Variants in NGEF observed in about 807,000 individuals in gnomAD.
NGEF encodes the protein neuronal guanine nucleotide exchange factor.
Under a neutral mutation model 80.9 loss-of-function variants are expected in NGEF, and 31 were observed. The ratio of observed to expected loss-of-function variants is 0.38; its 90% CI spans 0.29 to 0.52. NGEF has a LOEUF of 0.52. Ranked by LOEUF, NGEF falls within the 20% of genes least tolerant of loss-of-function variation. The probability of loss-of-function intolerance (pLI) is 0.84; values close to 1 mark genes in which losing one functional copy is unlikely to be tolerated. For missense variants in NGEF, 709 were observed against 926.2 expected (o/e 0.77, Z 3.04); for synonymous variants, 371 against 370.2 (o/e 1.00, Z -0.03).
chr2:232,994,662 C>T (rs963287494), intron 1 of NGEF, among the ~76,000 whole-genome samples: 1 of 152,130 alleles, frequency 6.6e-6, no homozygotes, highest in Non-Finnish European at 1.5e-5. Flanking sequence ...CCTTCGCTGG[C>T]TGAATGCATT....
At chr2:232,890,518 G>C (rs1453572924) in intron 8 of NGEF, among the ~76,000 whole-genome samples, 1 of 152,082 alleles carries the variant, frequency 6.6e-6, no homozygotes, top group Non-Finnish European at 1.5e-5. Context: ...CTCTGACACT[G>C]AACTGTCCAA....
intron 3 of NGEF, chr2:232,928,016 C>G (rs1367566162): frequency 1.9e-5 from 16 of 821,210 alleles, no homozygotes; most frequent in East Asian, 1.7e-4. Context: ...GGCGGCGGGG[C>G]GGGTGCGGGG....
intron 1 of NGEF, among the ~76,000 whole-genome samples, chr2:233,007,334 G>A (rs186856899): frequency 3.3e-5 from 5 of 152,278 alleles, no homozygotes; most frequent in Admixed American, 1.3e-4. Context: ...GTATTTGGAG[G>A]GGGAACAAAG....
chr2:232,898,730 C>G (rs1235475820), intron 5 of NGEF, among the ~76,000 whole-genome samples: 1 of 152,222 alleles, frequency 6.6e-6, no homozygotes, highest in Non-Finnish European at 1.5e-5. Context: ...AGGCACTGGT[C>G]TAGGCACTGG....
rs368730371 is a variant in NGEF at position 232,883,391 on chromosome 2, C to G, written c.1677G>C (p.Thr559=). 1 of 1,612,222 alleles carries G rather than the reference C, an allele frequency of 6.2e-7. No homozygotes were observed. The highest frequency in any genetic ancestry group is 8.5e-7 in the Non-Finnish European group (1 of 1,179,278). Residue 559 remains threonine, a synonymous_variant, in exon 12 of 15, where the codon ACG becomes ACC. Transcript: ENST00000264051. ...GCCGCAGGATGAACACGTTGGCCAG[C>G]GTCTGGCCCTGGTCCTCCAGCTCCT... ...RVEELEDQGQ[T]LANVFILRLL...
intron 3 of NGEF, among the ~76,000 whole-genome samples, chr2:232,948,782 C>T (rs1296528451): frequency 6.6e-6 from 1 of 152,136 alleles, no homozygotes; most frequent in Non-Finnish European, 1.5e-5. Context: ...CTTTGGGAGG[C>T]CGGGGCAGGC....
chr2:232,949,030 C>CCA (rs1553553255), intron 3 of NGEF, among the ~76,000 whole-genome samples: 9 of 137,406 alleles, frequency 6.5e-5, no homozygotes, highest in African/African-American at 2.3e-4. Context: ...AAAAACCCCC[C>CCA]AAAAAAAACA....
intron 13 of NGEF, 25 bp downstream of exon 13, chr2:232,882,161 G>GC (rs1420528537): frequency 6.2e-7 from 1 of 1,606,148 alleles, no homozygotes; most frequent in Non-Finnish European, 8.5e-7. Context: ...GACAAATGGC[G>GC]CCCCCTTACC....
chr2:232,886,473 G>A (rs546672234), intron 9 of NGEF, among the ~76,000 whole-genome samples: 43 of 152,356 alleles, frequency 2.8e-4, no homozygotes, highest in South Asian at 1.2e-3. Context: ...GTGCACAGGC[G>A]TCTGTTTAGG....
rs1491085438 is a variant in NGEF at position 232,883,081 on chromosome 2, A to ACACG, written c.1757+229_1757+230insCGTG. ...CACACACACACACACACACACACAC[A>ACACG]CGCACACACGCACACACGTACACGC... On this transcript the variant is annotated intron_variant, in intron 12 of 14. Coordinates refer to ENST00000264051, the MANE Select transcript of NGEF (RefSeq NM_019850.3). Among the ~76,000 whole-genome samples, 10 of 141,500 alleles carry ACACG rather than the reference A, an allele frequency of 7.1e-5. 1 individual carries two copies. 92.8% of individuals were successfully genotyped at this position (141,500 alleles called of 152,430 possible). A position where few individuals can be genotyped will look rare whatever the true frequency, so the allele number is the denominator to read the frequency against.
At chr2:232,998,119 G>A (rs1694893284) in intron 1 of NGEF, among the ~76,000 whole-genome samples, 1 of 152,210 alleles carries the variant, frequency 6.6e-6, no homozygotes, top group South Asian at 2.1e-4. Context: ...GCCCTGGGCA[G>A]CGATGCTCTT....
chr2:232,998,861 G>T (rs1694910938), intron 1 of NGEF, among the ~76,000 whole-genome samples: 1 of 152,186 alleles, frequency 6.6e-6, no homozygotes, highest in African/African-American at 2.4e-5. Context: ...GGAGCCTCTG[G>T]TCCTATCTGT....
intron 1 of NGEF, among the ~76,000 whole-genome samples, chr2:233,001,487 T>C (rs902764798): frequency 2.0e-5 from 3 of 151,924 alleles, no homozygotes; most frequent in African/African-American, 7.3e-5. Flanking sequence ...GCTGGAGGGA[T>C]TCAGGCATGT....
At chr2:232,932,821 G>A (rs1172340153) in intron 3 of NGEF, among the ~76,000 whole-genome samples, 1 of 152,022 alleles carries the variant, frequency 6.6e-6, no homozygotes, top group Non-Finnish European at 1.5e-5. Flanking sequence ...AGGACACTAA[G>A]GGCCGAGTGC....
At chr2:232,979,834 C>T (rs1050088647) in intron 1 of NGEF, among the ~76,000 whole-genome samples, 2 of 151,998 alleles carry the variant, frequency 1.3e-5, no homozygotes, top group Admixed American at 1.3e-4. Context: ...GCCGGCCACA[C>T]AACAACACTC....
intron 3 of NGEF, among the ~76,000 whole-genome samples, chr2:232,929,482 GC>G (rs1693175100): frequency 6.6e-6 from 1 of 152,196 alleles, no homozygotes; most frequent in South Asian, 2.1e-4. Context: ...CTCTAAAGCT[GC>G]CACTTAGCCC....
chr2:232,991,617 A>G (rs1694652108), intron 1 of NGEF, among the ~76,000 whole-genome samples: 2 of 152,306 alleles, frequency 1.3e-5, no homozygotes, highest in South Asian at 4.1e-4. Flanking sequence ...GTAGAAAGAT[A>G]TCCTATTTTC....
intron 5 of NGEF, among the ~76,000 whole-genome samples, chr2:232,906,926 G>A (rs559378239): frequency 1.9e-4 from 28 of 151,178 alleles, no homozygotes; most frequent in African/African-American, 3.4e-4. Context: ...TCCACTCAGG[G>A]TTAAATGGAT....
intron 3 of NGEF, among the ~76,000 whole-genome samples, chr2:232,935,142 A>G (rs1230793875): frequency 6.6e-6 from 1 of 152,238 alleles, no homozygotes; most frequent in East Asian, 1.9e-4. Flanking sequence ...AAACATTGGA[A>G]GCAAAGTGCA....
Sources: allele counts gnomAD v4.1 joint callset (sites outside exome capture counted in the v4.1 genomes callset), GRCh38; gene constraint gnomAD v4.1.1; transcripts MANE v1.5; gene names NCBI Gene and HGNC (gene_info 2026-07-23, HGNC 2026-07-21).